Variants in SUCLG2 observed in about 807,000 individuals in gnomAD.
The protein encoded by SUCLG2 is succinate-CoA ligase GDP-forming subunit beta.
SUCLG2 carries 42 observed loss-of-function variants against 47.9 expected under a neutral mutation model. That is an observed-to-expected ratio of 0.88 (90% CI 0.69 to 1.14). The LOEUF (loss-of-function observed/expected upper bound fraction) is 1.14. SUCLG2 is among the 50% of genes most tolerant of loss of function. The pLI, the probability that SUCLG2 is intolerant of heterozygous loss-of-function variation, is 0.00. For missense variants in SUCLG2, 571 were observed against 525.9 expected (o/e 1.09, Z -0.84); for synonymous variants, 195 against 197.3 (o/e 0.99, Z 0.10).
chr3:67,520,442 A>T, intron 5 of SUCLG2, 40 bp downstream of exon 5: 1 of 1,613,550 alleles, frequency 6.2e-7, no homozygotes. Context: ...TTCTACAATA[A>T]CAATCAATTA....
chr3:67,381,330 C>A (rs185060849), intron 10 of SUCLG2, among the ~76,000 whole-genome samples: 62 of 152,118 alleles, frequency 4.1e-4, no homozygotes, highest in African/African-American at 1.1e-3. Flanking sequence ...TCCTTTTTTG[C>A]AAAATGATAT....
intron 2 of SUCLG2, among the ~76,000 whole-genome samples, chr3:67,532,292 T>C (rs913896185): frequency 6.6e-6 from 1 of 152,146 alleles, no homozygotes; most frequent in Non-Finnish European, 1.5e-5. Context: ...CATGCCACCA[T>C]GCCCAGCTAA....
intron 9 of SUCLG2, among the ~76,000 whole-genome samples, chr3:67,415,818 G>A (rs942920177): frequency 2.0e-5 from 3 of 152,186 alleles, no homozygotes; most frequent in African/African-American, 7.2e-5. Flanking sequence ...CTCCTCTGGA[G>A]CATGGGCTGT....
chr3:67,456,006 T>G (rs1704176013), intron 9 of SUCLG2, among the ~76,000 whole-genome samples: 1 of 152,242 alleles, frequency 6.6e-6, no homozygotes, highest in South Asian at 2.1e-4. Context: ...GGTGATTCAC[T>G]CCCATGATAT....
At chr3:67,505,829 G>T (rs1299027436) in intron 7 of SUCLG2, among the ~76,000 whole-genome samples, 1 of 152,126 alleles carries the variant, frequency 6.6e-6, no homozygotes, top group Non-Finnish European at 1.5e-5. Context: ...GGGCGCGGTG[G>T]TGGGCGCCTG....
rs765630468 is a variant in SUCLG2 at position 67,520,451 on chromosome 3, TAATA to T, written c.570+27_570+30del. 15 of 1,613,652 alleles carry T rather than the reference TAATA, an allele frequency of 9.3e-6. No individual in the cohort carries two copies. In the South Asian group the frequency reaches 1.6e-4, roughly 18 times the overall value. The stretch of plus-strand genomic sequence containing the variant: ...AACAGCTTCTACAATAACAATCAAT[TAATA>T]GCAGGTAGCCCGGAATTTAAACATA... On this transcript the variant is annotated intron_variant, in intron 5 of 10. Transcript: ENST00000307227.
At chr3:67,429,219 C>G (rs1288344322) in intron 9 of SUCLG2, among the ~76,000 whole-genome samples, 5 of 152,156 alleles carry the variant, frequency 3.3e-5, no homozygotes. Flanking sequence ...GGGTTATCCA[C>G]AAAGGGAAGT....
intron 2 of SUCLG2, among the ~76,000 whole-genome samples, chr3:67,563,669 C>T (rs997815622): frequency 6.6e-6 from 1 of 151,976 alleles, no homozygotes; most frequent in African/African-American, 2.4e-5. Context: ...AAAAGAAGTA[C>T]TACTAGTTGG....
chr3:67,513,520 T>C (rs769989967), intron 6 of SUCLG2, among the ~76,000 whole-genome samples: 1 of 152,240 alleles, frequency 6.6e-6, no homozygotes, highest in African/African-American at 2.4e-5. Context: ...AGATGTCTTA[T>C]TCCAGAGGCT....
chr3:67,437,449 C>T (rs769327944), intron 9 of SUCLG2, among the ~76,000 whole-genome samples: 6 of 152,142 alleles, frequency 3.9e-5, no homozygotes, highest in Non-Finnish European at 5.9e-5. Context: ...AGCTTTTTAA[C>T]GTACCAGATA....
At chr3:67,634,852 G>A (rs1339447828) in intron 1 of SUCLG2, among the ~76,000 whole-genome samples, 1 of 152,160 alleles carries the variant, frequency 6.6e-6, no homozygotes, top group Non-Finnish European at 1.5e-5. Context: ...ACATGTTTGA[G>A]AATGTGCACG....
intron 9 of SUCLG2, among the ~76,000 whole-genome samples, chr3:67,420,958 A>G (rs998819250): frequency 1.3e-5 from 2 of 152,216 alleles, no homozygotes; most frequent in African/African-American, 2.4e-5. Flanking sequence ...TCAGATAAAC[A>G]TGTAATATCT....
intron 4 of SUCLG2, among the ~76,000 whole-genome samples, chr3:67,523,191 G>C (rs1706164490): frequency 6.6e-6 from 1 of 152,138 alleles, no homozygotes; most frequent in African/African-American, 2.4e-5. Flanking sequence ...AAACACTTAA[G>C]TTTTAGGTCA....
intron 2 of SUCLG2, among the ~76,000 whole-genome samples, chr3:67,544,136 T>G (rs1055756222): frequency 8.5e-5 from 13 of 152,198 alleles, no homozygotes; most frequent in African/African-American, 3.1e-4. Context: ...TAAAATTGAC[T>G]GGAAGAAATA....
chr3:67,620,311 C>G (rs1329329571), intron 1 of SUCLG2, among the ~76,000 whole-genome samples: 2 of 122,230 alleles, frequency 1.6e-5, no homozygotes, highest in African/African-American at 7.6e-5. Context: ...AGGCCGGGTG[C>G]AGTGGCTCAC....
chr3:67,596,172 G>A (rs994117069), intron 2 of SUCLG2, among the ~76,000 whole-genome samples: 1 of 152,166 alleles, frequency 6.6e-6, no homozygotes, highest in East Asian at 1.9e-4. Context: ...AGTATCCCTT[G>A]ACGGGTTGTC....
chr3:67,371,944 T>C (rs1371420648), downstream of SUCLG2, among the ~76,000 whole-genome samples: 2 of 152,162 alleles, frequency 1.3e-5, no homozygotes, highest in Non-Finnish European at 2.9e-5. Context: ...AGAGGATTAA[T>C]TAGGATAGCA....
At chr3:67,425,911 A>G (rs930691700) in intron 9 of SUCLG2, among the ~76,000 whole-genome samples, 13 of 152,242 alleles carry the variant, frequency 8.5e-5, no homozygotes, top group African/African-American at 2.2e-4. Flanking sequence ...TCAAATAGAG[A>G]CTTGTAAAAT....
chr3:67,456,435 A>G (rs1396058230), intron 9 of SUCLG2, among the ~76,000 whole-genome samples: 2 of 152,236 alleles, frequency 1.3e-5, no homozygotes, highest in East Asian at 3.8e-4. Flanking sequence ...TCCCGGTATA[A>G]GCCCTCATTG....
Sources: allele counts gnomAD v4.1 joint callset (sites outside exome capture counted in the v4.1 genomes callset), GRCh38; gene constraint gnomAD v4.1.1; transcripts MANE v1.5; gene names NCBI Gene and HGNC (gene_info 2026-07-23, HGNC 2026-07-21).